The following EPHB1 variants were observed in gnomAD, a reference collection of about 807,000 sequenced individuals.
The protein encoded by EPHB1 is EPH receptor B1.
A neutral mutation model predicts 94.4 loss-of-function variants in EPHB1; 30 were observed. The ratio of observed to expected loss-of-function variants is 0.32; its 90% CI spans 0.24 to 0.43. EPHB1 has a LOEUF of 0.43. Ranked by LOEUF, EPHB1 falls within the 20% of genes least tolerant of loss-of-function variation. EPHB1 has a pLI of 1.00. For synonymous variants in EPHB1, 522 were observed against 489.1 expected (o/e 1.07, Z -0.89); for missense variants, 1,055 against 1,308.3 (o/e 0.81, Z 2.99).
At chr3:135,077,675 A>G (rs976184037) in intron 3 of EPHB1, among the ~76,000 whole-genome samples, 2 of 152,066 alleles carry the variant, frequency 1.3e-5, no homozygotes, top group African/African-American at 4.8e-5. Context: ...AAACATAAAG[A>G]CCCTGAGATG....
Position 134,903,586 on chromosome 3 carries a change from T to C in EPHB1, c.59-22230T>C, listed in dbSNP as rs375699351. ...TCAGAAGGTCCTTGGGGCTGGAAGT[T>C]TGGGGTCCTTTCACTGTCCACTCAT... On this transcript the variant is annotated intron_variant, in intron 1 of 15. Transcript: ENST00000398015. 3.9e-5 allele frequency among the ~76,000 whole-genome samples: 6 copies of C among 152,234 alleles called. No homozygotes were observed. In the South Asian group the frequency reaches 1.2e-3, roughly 32 times the overall value.
intron 1 of EPHB1, among the ~76,000 whole-genome samples, chr3:134,805,412 G>A (rs2036023447): frequency 6.6e-6 from 1 of 152,212 alleles, no homozygotes; most frequent in Admixed American, 6.5e-5. Context: ...CACTTTGGGT[G>A]TCGAACCATA....
rs142688937 is a variant in EPHB1, at chr3:135,180,716, A to G, written c.1882+734A>G. Among the ~76,000 whole-genome samples the G allele has an allele frequency of 2.6e-5, 4 of 152,332 alleles. No homozygotes were observed. The East Asian group carries it at 5.8e-4, about 22-fold the overall frequency. ...CTTTAATGGGTTAGTAGCTGAGTCA[A>G]TTTGGCAATGGACCTAGACTTATTA... On this transcript the variant is annotated intron_variant, in intron 10 of 15. Coordinates refer to ENST00000398015, the MANE Select transcript of EPHB1 (RefSeq NM_004441.5).
intron 1 of EPHB1, among the ~76,000 whole-genome samples, chr3:134,915,156 A>G (rs908179691): frequency 6.6e-6 from 1 of 152,088 alleles, no homozygotes; most frequent in Non-Finnish European, 1.5e-5. Context: ...CCCTCTTGTA[A>G]TTGGTTGAAT....
At chr3:135,197,966 A>C (rs982244211) in intron 11 of EPHB1, among the ~76,000 whole-genome samples, 1 of 152,328 alleles carries the variant, frequency 6.6e-6, no homozygotes, top group South Asian at 2.1e-4. Context: ...AATTTCACCA[A>C]GGTTACGAAT....
intron 10 of EPHB1, among the ~76,000 whole-genome samples, chr3:135,191,724 T>C (rs1942462068): frequency 1.3e-5 from 2 of 152,216 alleles, no homozygotes; most frequent in South Asian, 4.1e-4. Context: ...GTTTCAACGC[T>C]GTGGCATGCA....
chr3:135,133,143 G>T (rs959099462), intron 5 of EPHB1, 94 bp downstream of exon 5: 13 of 1,262,738 alleles, frequency 1.0e-5, no homozygotes, highest in African/African-American at 9.0e-5. Flanking sequence ...CATCCTGCCC[G>T]TGTACTGTCA....
At position 135,210,686 on chromosome 3, in the gene EPHB1, C is replaced by A. The variant is rs527500759; in HGVS notation, c.2346+8997C>A. ...CAAGTGAGTTACTCAAGCCACACAGCGTGCTATTGCAGCGGCAGCTTTGGC... is the reference window on the plus strand; with the variant it reads ...CAAGTGAGTTACTCAAGCCACACAGAGTGCTATTGCAGCGGCAGCTTTGGC... On this transcript the variant is annotated intron_variant, in intron 12 of 15. Transcript: ENST00000398015. 3.3e-5 allele frequency among the ~76,000 whole-genome samples: 5 copies of A among 152,334 alleles called. No homozygotes were observed. The East Asian group carries it at 5.8e-4, about 18-fold the overall frequency.
rs1241476139 is a variant in EPHB1, at chr3:135,248,430, T to C, written c.2611T>C (p.Phe871Leu). The C allele has an allele frequency of 6.2e-7, 1 of 1,613,840 alleles. No homozygotes were observed. The highest frequency in any genetic ancestry group is 2.2e-5 in the East Asian group (1 of 44,860). ...WQKDRNSRPR[F>L]AEIVNTLDKM... Reference sequence around the variant, plus strand: ...GAAGGACCGGAACAGCCGGCCCCGGTTTGCGGAGATTGTCAACACCCTAGA... The same window carrying C: ...GAAGGACCGGAACAGCCGGCCCCGGCTTGCGGAGATTGTCAACACCCTAGA... The change falls in exon 14 of 16, where the codon TTT (phenylalanine) becomes CTT (leucine). Residue 871 changes from phenylalanine (F) to leucine (L), a missense_variant. Phe to Leu is a conservative substitution (Grantham distance 22). Transcript: ENST00000398015.
chr3:134,905,470 G>A (rs961717629), intron 1 of EPHB1, among the ~76,000 whole-genome samples: 7 of 152,222 alleles, frequency 4.6e-5, no homozygotes, highest in African/African-American at 1.7e-4. Flanking sequence ...TTGCCAACCA[G>A]GGGGCAGGGC....
intron 2 of EPHB1, among the ~76,000 whole-genome samples, chr3:134,937,168 G>A (rs1033016989): frequency 1.3e-5 from 2 of 152,220 alleles, no homozygotes; most frequent in Admixed American, 6.5e-5. Context: ...GGGAAGCCAA[G>A]TCCAGGAGGC....
intron 1 of EPHB1, among the ~76,000 whole-genome samples, chr3:134,884,462 A>G (rs1406025982): frequency 6.6e-6 from 1 of 152,198 alleles, no homozygotes; most frequent in Admixed American, 6.5e-5. Context: ...AGCTGCTCAG[A>G]TGCCATTCCT....
chr3:135,048,461 G>T (rs1215395192), intron 3 of EPHB1, among the ~76,000 whole-genome samples: 1 of 151,464 alleles, frequency 6.6e-6, no homozygotes, highest in Admixed American at 6.6e-5. Context: ...CTAGACATGG[G>T]GTTTCAGCAT....
At chr3:134,810,651 G>A (rs931269897) in intron 1 of EPHB1, among the ~76,000 whole-genome samples, 16 of 152,116 alleles carry the variant, frequency 1.1e-4, no homozygotes, top group African/African-American at 3.1e-4. Flanking sequence ...TGACAAAGCC[G>A]GGGACTCAGC....
At chr3:135,173,620 G>T (rs896744837) in intron 9 of EPHB1, among the ~76,000 whole-genome samples, 1 of 152,092 alleles carries the variant, frequency 6.6e-6, no homozygotes, top group Admixed American at 6.6e-5. Flanking sequence ...CTCAGAGGTC[G>T]GTGGGGCAGA....
At chr3:134,971,194 T>A (rs1037526987) in intron 3 of EPHB1, among the ~76,000 whole-genome samples, 3 of 152,164 alleles carry the variant, frequency 2.0e-5, no homozygotes, top group Admixed American at 6.5e-5. Flanking sequence ...GAATCTGAGA[T>A]GCAAGCAGCA....
At chr3:134,898,883 A>C (rs1203964373) in intron 1 of EPHB1, among the ~76,000 whole-genome samples, 1 of 152,136 alleles carries the variant, frequency 6.6e-6, no homozygotes, top group Non-Finnish European at 1.5e-5. Context: ...GCTGTGGACC[A>C]GCCTGGAGCT....
chr3:135,114,422 T>C (rs188990582), intron 4 of EPHB1, among the ~76,000 whole-genome samples: 85 of 150,432 alleles, frequency 5.7e-4, no homozygotes, highest in African/African-American at 1.9e-3. Context: ...ACTATTTAGG[T>C]TGGGCACAGT....
intron 3 of EPHB1, among the ~76,000 whole-genome samples, chr3:135,016,661 C>A (rs552153552): frequency 6.6e-6 from 1 of 152,338 alleles, no homozygotes; most frequent in African/African-American, 2.4e-5. Flanking sequence ...CCTAAAGACC[C>A]ACCCTGGCCA....
Sources: allele counts gnomAD v4.1 joint callset (sites outside exome capture counted in the v4.1 genomes callset), GRCh38; gene constraint gnomAD v4.1.1; transcripts MANE v1.5; gene names NCBI Gene and HGNC (gene_info 2026-07-23, HGNC 2026-07-21).